LAMA3: variants seen among roughly 807,000 people sequenced by gnomAD.
The protein encoded by LAMA3 is laminin subunit alpha-3.
LAMA3 carries 281 observed loss-of-function variants against 402.0 expected under a neutral mutation model. The observed-to-expected ratio is 0.70, with a 90% CI of 0.63 to 0.77. The LOEUF is 0.77. Ranked by LOEUF, LAMA3 falls within the 30% of genes least tolerant of loss-of-function variation. The pLI, the probability that LAMA3 is intolerant of heterozygous loss-of-function variation, is 0.00. For missense variants in LAMA3, 3,840 were observed against 4,215.5 expected (o/e 0.91, Z 2.47); for synonymous variants, 1,431 against 1,558.4 (o/e 0.92, Z 1.93).
intron 12 of LAMA3, among the ~76,000 whole-genome samples, chr18:23,802,496 A>G (rs1393420027): frequency 1.3e-5 from 2 of 152,224 alleles, no homozygotes; most frequent in Non-Finnish European, 2.9e-5. Context: ...TTCTAGACAT[A>G]TTCTTCCTTA....
At chr18:23,775,186 G>A (rs1415959712) in intron 9 of LAMA3, among the ~76,000 whole-genome samples, 1 of 152,188 alleles carries the variant, frequency 6.6e-6, no homozygotes, top group African/African-American at 2.4e-5. Context: ...CAAGTGGGAG[G>A]TCGACAATCT....
chr18:23,829,111 A>G lies in LAMA3; in HGVS notation c.2823+1644A>G, dbSNP rs536580294. Among the ~76,000 whole-genome samples the G allele has an allele frequency of 3.9e-5, 6 of 152,338 alleles. No individual in the cohort carries two copies. The East Asian group carries it at 1.2e-3, about 29-fold the overall frequency. On this transcript the variant is annotated intron_variant, in intron 23 of 74. Coordinates refer to ENST00000313654, the MANE Select transcript of LAMA3 (RefSeq NM_198129.4). ...ACACCTAGGGAGACACTAACTGACT[A>G]TATACATAGACTTATATCAGTTTAG...
intron 2 of LAMA3, among the ~76,000 whole-genome samples, chr18:23,729,451 G>T (rs1001259688): frequency 6.6e-6 from 1 of 152,084 alleles, no homozygotes; most frequent in Non-Finnish European, 1.5e-5. Context: ...TAATGAAAAG[G>T]TTGGATCTTT....
Position 23,905,680 on chromosome 18 carries a change from G to A in LAMA3, c.6718+56G>A, listed in dbSNP as rs183914294. ...AGTCAGGAGCTTTAAATGACCTCTG[G>A]GACCAGGTGGGGCAGCCCTAGAAGC... On this transcript the variant is annotated intron_variant, in intron 52 of 74. Transcript: ENST00000313654. The A allele has an allele frequency of 5.1e-4, 494 of 961,266 alleles. No homozygotes were observed. In the African/African-American group the frequency reaches 6.7e-3, roughly 13 times the overall value. 59.5% of individuals were successfully genotyped at this position (961,266 alleles called of 1,614,324 possible). A position where few individuals can be genotyped will look rare whatever the true frequency, so the allele number is the denominator to read the frequency against.
chr18:23,873,498 T>C (rs2064602341), intron 38 of LAMA3, among the ~76,000 whole-genome samples: 1 of 152,196 alleles, frequency 6.6e-6, no homozygotes, highest in South Asian at 2.1e-4. Flanking sequence ...TTATGCCCTT[T>C]AGAGACCATC....
At chr18:23,776,058 A>G in intron 10 of LAMA3, 135 bp downstream of exon 10, 1 of 896,362 alleles carries the variant, frequency 1.1e-6, no homozygotes. Flanking sequence ...ATTTATGTAA[A>G]AGTGTTTCTG....
At chr18:23,836,940 T>G in intron 24 of LAMA3, 41 bp from the exon 25 acceptor site, 1 of 1,434,102 alleles carries the variant, frequency 7.0e-7, no homozygotes, top group Admixed American at 1.7e-5. Flanking sequence ...ATGAGGGAGA[T>G]GCCGGGAGTC....
chr18:23,841,013 T>C (rs1217642996), intron 27 of LAMA3, among the ~76,000 whole-genome samples: 3 of 152,244 alleles, frequency 2.0e-5, no homozygotes, highest in Non-Finnish European at 2.9e-5. Context: ...GTCCAACCTG[T>C]ATTATGTCCT....
intron 2 of LAMA3, among the ~76,000 whole-genome samples, chr18:23,742,805 G>C (rs1417330567): frequency 1.3e-5 from 2 of 152,130 alleles, no homozygotes; most frequent in African/African-American, 4.8e-5. Context: ...AAAAAGTTGG[G>C]AGAAGTAAAT....
At chr18:23,846,546 G>C (rs761927410) in intron 31 of LAMA3, 38 bp downstream of exon 31, 1 of 1,560,674 alleles carries the variant, frequency 6.4e-7, no homozygotes. Context: ...TTCTGCTCTG[G>C]TCCCGTGTGG....
At chr18:23,717,542 C>CT (rs138974380) in intron 2 of LAMA3, among the ~76,000 whole-genome samples, 992 of 64,916 alleles carry the variant, frequency 0.015, 256 homozygotes, top group African/African-American at 0.037. Flanking sequence ...TGGACTTGAT[C>CT]TTTTTTTTTT....
rs187305588 is a variant in LAMA3 at position 23,930,527 on chromosome 18, C to G, written c.8437-535C>G. Among the ~76,000 whole-genome samples the G allele has an allele frequency of 6.9e-4, 105 of 152,270 alleles. 1 individual carries two copies. Among genetic ancestry groups the G allele is most frequent in the Admixed American group, 1.4e-3 (21 of 15,278 alleles). Reference sequence around the variant, plus strand: ...CCTTGGGAGGCCAAGCCAGGAGTATCTCTTGAGCCCAGGGGTCTGAGACCA... The same window carrying G: ...CCTTGGGAGGCCAAGCCAGGAGTATGTCTTGAGCCCAGGGGTCTGAGACCA... On this transcript the variant is annotated intron_variant, in intron 64 of 74. Transcript: ENST00000313654.
chr18:23,862,307 AC>A (rs1757985737), intron 35 of LAMA3, among the ~76,000 whole-genome samples: 1 of 152,222 alleles, frequency 6.6e-6, no homozygotes, highest in Non-Finnish European at 1.5e-5. Flanking sequence ...TCAGGAACTT[AC>A]AAACCACTTG....
At chr18:23,785,001 C>G (rs749973523) in intron 12 of LAMA3, among the ~76,000 whole-genome samples, 5 of 152,182 alleles carry the variant, frequency 3.3e-5, no homozygotes, top group Admixed American at 2.0e-4. Context: ...GCAGCAGGCT[C>G]TAGGCTGGGC....
intron 1 of LAMA3, among the ~76,000 whole-genome samples, chr18:23,699,631 G>A (rs1486275513): frequency 1.3e-5 from 2 of 152,154 alleles, no homozygotes; most frequent in East Asian, 3.9e-4. Context: ...TTGGGTTTGG[G>A]GTATTAATTG....
chr18:23,828,407 T>C lies in LAMA3; in HGVS notation c.2823+940T>C, dbSNP rs117270894. ...TGTAACAAGTAAAACAATATAGATA[T>C]GCATAAAAAACCTAAATGATCTTCC... On this transcript the variant is annotated intron_variant, in intron 23 of 74. Coordinates refer to ENST00000313654, the MANE Select transcript of LAMA3 (RefSeq NM_198129.4). Among the ~76,000 whole-genome samples, 8 of 152,318 alleles carry C rather than the reference T, an allele frequency of 5.3e-5. No homozygotes were observed. In the East Asian group the frequency reaches 1.5e-3, roughly 29 times the overall value.
chr18:23,796,339 C>G (rs1175300673), intron 12 of LAMA3, among the ~76,000 whole-genome samples: 1 of 152,170 alleles, frequency 6.6e-6, no homozygotes, highest in African/African-American at 2.4e-5. Flanking sequence ...CTGAGTCTTC[C>G]CCCATATCCA....
chr18:23,807,823 T>G (rs2062992630), intron 12 of LAMA3, among the ~76,000 whole-genome samples: 1 of 152,210 alleles, frequency 6.6e-6, no homozygotes, highest in African/African-American at 2.4e-5. Context: ...GACTAGTGTT[T>G]GACCATTTGG....
intron 60 of LAMA3, among the ~76,000 whole-genome samples, chr18:23,919,769 C>G (rs910869484): frequency 6.6e-6 from 1 of 151,632 alleles, no homozygotes; most frequent in Non-Finnish European, 1.5e-5. Context: ...GCAGATGCCA[C>G]GCAGCATCTG....
Sources: allele counts gnomAD v4.1 joint callset (sites outside exome capture counted in the v4.1 genomes callset), GRCh38; gene constraint gnomAD v4.1.1; transcripts MANE v1.5; gene names NCBI Gene and HGNC (gene_info 2026-07-23, HGNC 2026-07-21).